XPNPEP3: variants seen among roughly 807,000 people sequenced by gnomAD.
XPNPEP3 encodes the protein xaa-Pro aminopeptidase 3.
XPNPEP3 carries 41 observed loss-of-function variants against 60.0 expected under a neutral mutation model. That is an observed-to-expected ratio of 0.68 (90% CI 0.53 to 0.89). The LOEUF (loss-of-function observed/expected upper bound fraction) is 0.89, where lower values mean the gene tolerates loss of function less well. XPNPEP3 is among the 40% of genes least tolerant of loss of function. The probability of loss-of-function intolerance (pLI) is 0.00; values close to 1 mark genes in which losing one functional copy is unlikely to be tolerated. For synonymous variants in XPNPEP3, 212 were observed against 223.2 expected, an observed-to-expected ratio of 0.95 and a Z score of 0.45; for missense variants, 598 against 638.9, an observed-to-expected ratio of 0.94 and a Z score of 0.69.
At chr22:40,870,972 T>C (rs879322758) in intron 2 of XPNPEP3, among the ~76,000 whole-genome samples, 6 of 151,806 alleles carry the variant, frequency 4.0e-5, no homozygotes, top group Non-Finnish European at 8.8e-5. Flanking sequence ...GAGGTTGCAG[T>C]GAGCCAGAAT....
intron 2 of XPNPEP3, among the ~76,000 whole-genome samples, chr22:40,872,129 G>C (rs2058008360): frequency 6.6e-6 from 1 of 152,182 alleles, no homozygotes. Flanking sequence ...ACCTATCCAA[G>C]TTTCCTGAAG....
intron 1 of XPNPEP3, chr22:40,861,182 A>G (rs1282318074): frequency 1.2e-6 from 2 of 1,613,958 alleles, no homozygotes; most frequent in Non-Finnish European, 8.5e-7. Flanking sequence ...TGGTAACCCA[A>G]GATATACCTC....
In XPNPEP3 at chr22:40,929,853, A is replaced by G. The variant is rs2146285754; in HGVS notation, c.*3418A>G. On this transcript the variant is annotated 3_prime_UTR_variant, in exon 10 of 10. Transcript: ENST00000357137. ...CCCATTTCCCTTTAGTAATTTTTTA[A>G]TACAGAGAATGCTATTAACTGTTAC... 6.6e-6 allele frequency: 1 copy of G among 152,312 alleles called. No individual in the cohort carries two copies. Among genetic ancestry groups the G allele is most frequent in the South Asian group, 2.1e-4 (1 of 4,828 alleles). 9.4% of individuals were successfully genotyped at this position (152,312 alleles called of 1,614,324 possible). A position where few individuals can be genotyped will look rare whatever the true frequency, so the allele number is the denominator to read the frequency against.
At chr22:40,925,954 C>T (rs2146283227) in intron 9 of XPNPEP3, among the ~76,000 whole-genome samples, 1 of 152,268 alleles carries the variant, frequency 6.6e-6, no homozygotes, top group Middle Eastern at 3.4e-3. Context: ...AATTAAGTAA[C>T]TTTATTGGCC....
rs746834434 is a variant in XPNPEP3, at chr22:40,909,157, T to G, written c.891T>G (p.Ile297Met). 6.8e-6 allele frequency: 11 copies of G among 1,614,068 alleles called. No individual in the cohort carries two copies. The highest frequency in any genetic ancestry group is 9.3e-6 in the Non-Finnish European group (11 of 1,180,028). Reference sequence around the variant, plus strand: ...AATGCCGGGCTCGTGGCGCAGACATTTTAGCCTATCCACCTGTGGTGGCTG... The same window carrying G: ...AATGCCGGGCTCGTGGCGCAGACATGTTAGCCTATCCACCTGTGGTGGCTG... ...EFECRARGADILAYPPVVAGG... is the reference protein window; with the variant it reads ...EFECRARGADMLAYPPVVAGG... The change falls in exon 6 of 10, where the codon ATT (isoleucine) becomes ATG (methionine). Residue 297 changes from isoleucine (I) to methionine (M), a missense_variant. Transcript: ENST00000357137.
At chr22:40,879,202 C>T (rs1041156282) in intron 2 of XPNPEP3, among the ~76,000 whole-genome samples, 3 of 152,198 alleles carry the variant, frequency 2.0e-5, no homozygotes, top group Admixed American at 6.5e-5. Context: ...GTGATATGAG[C>T]TCTTCTTGGC....
intron 4 of XPNPEP3, among the ~76,000 whole-genome samples, chr22:40,901,427 G>A (rs1464519967): frequency 1.3e-5 from 2 of 151,812 alleles, no homozygotes; most frequent in Non-Finnish European, 2.9e-5. Flanking sequence ...TAGAGATGGG[G>A]TTTCTCCATG....
intron 2 of XPNPEP3, among the ~76,000 whole-genome samples, chr22:40,871,196 C>T (rs1220469416): frequency 6.6e-6 from 1 of 151,974 alleles, no homozygotes; most frequent in African/African-American, 2.4e-5. Context: ...GACCCTGTCT[C>T]TATAAGAAAT....
intron 1 of XPNPEP3, chr22:40,862,221 A>AGT: frequency 1.5e-6 from 2 of 1,323,490 alleles, no homozygotes; most frequent in Non-Finnish European, 1.9e-6. Context: ...TTCTGGGGTC[A>AGT]GTGTAGGGAC....
At chr22:40,904,064 A>G (rs1040634207) in intron 4 of XPNPEP3, among the ~76,000 whole-genome samples, 11 of 152,194 alleles carry the variant, frequency 7.2e-5, no homozygotes, top group African/African-American at 2.7e-4. Context: ...TCAAAATACA[A>G]ACATTCAGGT....
Position 40,929,997 on chromosome 22 carries a change from T to TA in XPNPEP3, c.*3563dup, listed in dbSNP as rs1468902195. On this transcript the variant is annotated 3_prime_UTR_variant, in exon 10 of 10. Coordinates refer to ENST00000357137, the MANE Select transcript of XPNPEP3 (RefSeq NM_022098.4). The stretch of plus-strand genomic sequence containing the variant: ...TTAATAAAGCTGGGACTTGAAGACT[T>TA]ACCATAGTTTTCAACTGCCTTTGCA... 1.3e-5 allele frequency: 2 copies of TA among 152,192 alleles called. No individual in the cohort carries two copies. Among genetic ancestry groups the TA allele is most frequent in the Admixed American group, 6.6e-5 (1 of 15,266 alleles). 9.4% of individuals were successfully genotyped at this position (152,192 alleles called of 1,614,324 possible).
intron 1 of XPNPEP3, chr22:40,861,830 T>G (rs1569012442): frequency 8.7e-6 from 14 of 1,613,646 alleles, no homozygotes; most frequent in African/African-American, 1.3e-5. Context: ...CATTTGATAA[T>G]ACCTCGTATG....
chr22:40,862,267 C>G (rs1303386640), intron 1 of XPNPEP3: 5 of 1,147,546 alleles, frequency 4.4e-6, no homozygotes, highest in Non-Finnish European at 5.4e-6. Flanking sequence ...AGAGTCGTAC[C>G]AGACCATCCT....
chr22:40,924,262 TG>T lies in XPNPEP3; in HGVS notation c.1237-95del, dbSNP rs1601522868. On this transcript the variant is annotated intron_variant, in intron 8 of 9. Transcript: ENST00000357137. ...GGATTAAACTGAAGTGGCAGAACCA[TG>T]GGGGAGATAATAACACATATCTCAC... 8.5e-6 allele frequency: 13 copies of T among 1,537,852 alleles called. No homozygotes were observed. In the East Asian group the frequency reaches 2.9e-4, roughly 35 times the overall value.
chr22:40,909,695 G>C (rs2058170015), intron 6 of XPNPEP3, among the ~76,000 whole-genome samples: 1 of 151,640 alleles, frequency 6.6e-6, no homozygotes, highest in Non-Finnish European at 1.5e-5. Context: ...AGCCCGGGAG[G>C]CATAAGTTGT....
chr22:40,897,464 A>G (rs899284775), intron 4 of XPNPEP3, among the ~76,000 whole-genome samples: 2 of 151,484 alleles, frequency 1.3e-5, no homozygotes, highest in African/African-American at 4.8e-5. Flanking sequence ...GTATATACCC[A>G]GAAGTAGAAT....
At chr22:40,899,135 G>A (rs2058121190) in intron 4 of XPNPEP3, among the ~76,000 whole-genome samples, 1 of 152,054 alleles carries the variant, frequency 6.6e-6, no homozygotes, top group Non-Finnish European at 1.5e-5. Flanking sequence ...TCACTGAATA[G>A]CCCCTTATGT....
At chr22:40,922,249 G>A in intron 7 of XPNPEP3, 84 bp from the exon 8 acceptor site, 1 of 1,524,958 alleles carries the variant, frequency 6.6e-7, no homozygotes, top group South Asian at 1.1e-5. Context: ...CAGCATCTTG[G>A]GGTTTTTCTA....
intron 2 of XPNPEP3, among the ~76,000 whole-genome samples, chr22:40,869,830 G>A (rs550347526): frequency 8.5e-5 from 13 of 152,268 alleles, no homozygotes; most frequent in African/African-American, 3.1e-4. Flanking sequence ...GGAAGGTAGG[G>A]TAAAAGCAAA....
Sources: allele counts gnomAD v4.1 joint callset (sites outside exome capture counted in the v4.1 genomes callset), GRCh38; gene constraint gnomAD v4.1.1; transcripts MANE v1.5; gene names NCBI Gene and HGNC (gene_info 2026-07-23, HGNC 2026-07-21).